Variants in DNAH2 observed in about 807,000 individuals in gnomAD.
The protein encoded by DNAH2 is axonemal beta dynein heavy chain 2.
DNAH2 carries 323 observed loss-of-function variants against 523.5 expected under a neutral mutation model. The observed-to-expected ratio is 0.62, with a 90% confidence interval of 0.56 to 0.68. DNAH2 has a LOEUF of 0.68. DNAH2 is among the 30% of genes least tolerant of loss of function. The pLI is 0.00. For synonymous variants in DNAH2, 2,093 were observed against 2,177.4 expected (o/e 0.96, Z 1.08); for missense variants, 4,907 against 5,701.5 (o/e 0.86, Z 4.49).
chr17:7,815,298 G>A (rs960830588), intron 63 of DNAH2, among the ~76,000 whole-genome samples: 14 of 152,370 alleles, frequency 9.2e-5, no homozygotes, highest in African/African-American at 3.4e-4. Context: ...AGTTAAGGCA[G>A]AGCTACTTCT....
In DNAH2 at chr17:7,831,850, T is replaced by C; in HGVS notation, c.12726+75T>C. 7.2e-7 allele frequency: 1 copy of C among 1,392,444 alleles called. No individual in the cohort carries two copies. The highest frequency in any genetic ancestry group is 9.9e-7 in the Non-Finnish European group (1 of 1,009,630). 86.3% of individuals were successfully genotyped at this position (1,392,444 alleles called of 1,614,324 possible). ...AATCCTGGGCCCCCCAATCTCCTGG[T>C]TCTAGGTGGGCATAAAGCAAACTGC... On this transcript the variant is annotated intron_variant, in intron 82 of 85. Coordinates refer to ENST00000572933, the MANE Select transcript of DNAH2 (RefSeq NM_020877.5). The surrounding 1 kb of genome is among the most constrained non-coding windows in gnomAD (Gnocchi z 4.2).
intron 79 of DNAH2, 87 bp downstream of exon 79, chr17:7,830,929 G>C (rs1372573359): frequency 6.4e-7 from 1 of 1,562,658 alleles, no homozygotes; most frequent in East Asian, 2.2e-5. Flanking sequence ...TGTTTGAGGA[G>C]AGGACGTGAG....
intron 39 of DNAH2, among the ~76,000 whole-genome samples, chr17:7,782,646 G>C (rs1178811287): frequency 6.6e-6 from 1 of 152,158 alleles, no homozygotes; most frequent in Non-Finnish European, 1.5e-5. Context: ...AGTGGAATCA[G>C]ATCCATGAAA....
At position 7,797,428 on chromosome 17, in the gene DNAH2, G is replaced by A. The variant is rs2077097014; in HGVS notation, c.7978G>A (p.Ala2660Thr). ...RVFSDRLVDA[A>T]DTEAFMGIIS... ...CTTCTCTGACCGGCTGGTTGATGCG[G>A]CAGACACAGAAGCCTTCATGGGCAT... The change falls in exon 52 of 86, where the codon GCA becomes ACA. Residue 2660 changes from alanine to threonine, a missense_variant. This residue lies in a region of DNAH2 where 250 missense variants were observed against 371.3 expected (regional missense o/e 0.67). Transcript: ENST00000572933. The A allele has an allele frequency of 1.2e-6, 2 of 1,614,012 alleles. No individual in the cohort carries two copies. Among genetic ancestry groups the A allele is most frequent in the Admixed American group, 3.3e-5 (2 of 60,000 alleles).
Position 7,786,318 on chromosome 17 carries a change from A to G in DNAH2, c.6324A>G (p.Gly2108=), listed in dbSNP as rs1173689432. The G allele has an allele frequency of 1.3e-5, 21 of 1,613,086 alleles. No homozygotes were observed. The highest frequency in any genetic ancestry group is 1.8e-5 in the Non-Finnish European group (21 of 1,179,986). Residue 2108 remains glycine, a synonymous_variant, in exon 40 of 86, where the codon GGA becomes GGG. Coordinates refer to ENST00000572933, the MANE Select transcript of DNAH2 (RefSeq NM_020877.5). This position sits in a 1 kb window ranked among gnomAD's most constrained non-coding sequence, Gnocchi z 7.5. ...CCCTGTCCTCTCTGTGCCGCGCCGG[A>G]GACCCTAACTTCAACATTGTTAGAG... ...QASLSSLCRA[G]DPNFNIVREF... is the part of the protein sequence containing the mutation.
chr17:7,787,386 C>G (rs1387587748), intron 42 of DNAH2: 1 of 350,772 alleles, frequency 2.9e-6, no homozygotes, highest in Non-Finnish European at 5.2e-6. Flanking sequence ...TCCAACAATG[C>G]GAGCAAGAGA....
At chr17:7,723,191 T>C (rs1206989039) in intron 2 of DNAH2, among the ~76,000 whole-genome samples, 26 of 150,744 alleles carry the variant, frequency 1.7e-4, no homozygotes, top group South Asian at 4.2e-4. Context: ...AGGATGGTCT[T>C]GATCTCCTGA....
intron 12 of DNAH2, 118 bp downstream of exon 12, chr17:7,743,260 T>C: frequency 8.9e-7 from 1 of 1,122,510 alleles, no homozygotes; most frequent in Non-Finnish European, 1.3e-6. Flanking sequence ...ATACAATATG[T>C]TTGCTATCGT....
rs753657945 is a variant in DNAH2 at position 7,754,669 on chromosome 17, G to A, written c.1905-2422G>A. The A allele has an allele frequency of 2.3e-6, 3 of 1,330,058 alleles. No homozygotes were observed. Among genetic ancestry groups the A allele is most frequent in the South Asian group, 2.4e-5 (2 of 84,532 alleles). The allele number at this position is 1,330,058 out of a possible 1,614,324, so 82.4% of individuals were successfully genotyped here. A position where few individuals can be genotyped will look rare whatever the true frequency, so the allele number is the denominator to read the frequency against. On this transcript the variant is annotated intron_variant, in intron 12 of 85. Coordinates refer to ENST00000572933, the MANE Select transcript of DNAH2 (RefSeq NM_020877.5). The surrounding 1 kb of genome is among the most constrained non-coding windows in gnomAD (Gnocchi z 4.6). ...AAGGGTGTCAGCCATAAACTTGATC[G>A]ACTTGCCTACATTGCCCACCCCAAC... is the stretch of plus-strand genomic sequence containing the variant.
In DNAH2 at chr17:7,818,468, C is replaced by T. The variant is rs776144059; in HGVS notation, c.10536+8C>T. On this transcript the variant is annotated splice_region_variant and intron_variant, in intron 69 of 85. Transcript: ENST00000572933. ...TTTGCTGTTAAAGAACAGGTGGGTA[C>T]AGGCTGAGGTCCAGACTGAGCTAGG... is the stretch of plus-strand genomic sequence containing the variant. 5.3e-5 allele frequency: 86 copies of T among 1,613,850 alleles called. No individual in the cohort carries two copies. The highest frequency in any genetic ancestry group is 7.0e-5 in the Non-Finnish European group (83 of 1,179,940).
chr17:7,792,548 C>T, intron 46 of DNAH2, 109 bp from the exon 47 acceptor site: 1 of 1,065,696 alleles, frequency 9.4e-7, no homozygotes, highest in Non-Finnish European at 1.4e-6. Flanking sequence ...CCAGGCCCCA[C>T]AGGAGGGCAG....
At position 7,817,645 on chromosome 17, in the gene DNAH2, A is replaced by G. The variant is rs2077712355; in HGVS notation, c.10105A>G (p.Ile3369Val). 2 of 1,614,156 alleles carry G rather than the reference A, an allele frequency of 1.2e-6. No homozygotes were observed. Among genetic ancestry groups the G allele is most frequent in the African/African-American group, 2.7e-5 (2 of 75,032 alleles). ...TCCTACCAAAGTCCGGGACTGGAACATCCAAGGGTTGCCCTCAGACGCCTT... is the reference window on the plus strand; with the variant it reads ...TCCTACCAAAGTCCGGGACTGGAACGTCCAAGGGTTGCCCTCAGACGCCTT... ...CNPTKVRDWN[I>V]QGLPSDAFST... is the part of the protein sequence containing the mutation. Residue 3369 changes from isoleucine (I) to valine (V), a missense_variant, in exon 66 of 86, where the codon ATC becomes GTC. Around this residue, in one of 3 missense-constraint regions of DNAH2, gnomAD observed 1,851 missense variants for 2,139.4 expected, o/e 0.87. Coordinates refer to ENST00000572933, the MANE Select transcript of DNAH2 (RefSeq NM_020877.5).
rs922340411 is a variant in DNAH2 at position 7,776,204 on chromosome 17, G to T, written c.4947+55G>T. ...CAAGGGGCTGGGCACGGTGGCTCACGCCTGTAATCCCAGCACTTTGGGAGG... is the reference window on the plus strand; with the variant it reads ...CAAGGGGCTGGGCACGGTGGCTCACTCCTGTAATCCCAGCACTTTGGGAGG... On this transcript the variant is annotated intron_variant, in intron 31 of 85. Coordinates refer to ENST00000572933, the MANE Select transcript of DNAH2 (RefSeq NM_020877.5). 2.5e-6 allele frequency: 4 copies of T among 1,585,642 alleles called. No individual in the cohort carries two copies. In the African/African-American group the frequency reaches 4.0e-5, roughly 16 times the overall value.
rs139792492 is a variant in DNAH2 at position 7,818,338 on chromosome 17, G to A, written c.10414G>A (p.Asp3472Asn). ...IGGRLLMRIG[D>N]KEVEYNTNFR... ...TGGTCGGCTGTTGATGCGCATTGGC[G>A]ATAAGGAGGTGGAATATAATACCAA... The change falls in exon 69 of 86, where the codon GAT (aspartate) becomes AAT (asparagine). Residue 3472 changes from aspartate to asparagine, a missense_variant. Asp to Asn is a conservative substitution (Grantham distance 23). This residue lies in a region of DNAH2 where 1,851 missense variants were observed against 2,139.4 expected (regional missense o/e 0.87). Coordinates refer to ENST00000572933, the MANE Select transcript of DNAH2 (RefSeq NM_020877.5). The A allele has an allele frequency of 3.0e-5, 48 of 1,614,034 alleles. No homozygotes were observed. The East Asian group carries it at 3.6e-4, about 12-fold the overall frequency.
intron 44 of DNAH2, among the ~76,000 whole-genome samples, chr17:7,789,777 CT>C (rs1229900751): frequency 5.3e-5 from 8 of 152,010 alleles, no homozygotes; most frequent in African/African-American, 1.9e-4. Flanking sequence ...GGGGTTTCAC[CT>C]TGTTGGTCAA....
intron 48 of DNAH2, 50 bp downstream of exon 48, chr17:7,793,255 G>A (rs1418840452): frequency 1.9e-6 from 3 of 1,577,464 alleles, no homozygotes; most frequent in Non-Finnish European, 2.6e-6. Flanking sequence ...TTCTGGGATA[G>A]GCTCAGTCCC....
intron 58 of DNAH2, 100 bp from the exon 59 acceptor site, chr17:7,804,156 G>GC (rs2077298110): frequency 8.0e-7 from 1 of 1,257,406 alleles, no homozygotes; most frequent in East Asian, 2.5e-5. Flanking sequence ...GCAACAGAAA[G>GC]GAAGGCGGAC....
At position 7,796,611 on chromosome 17, in the gene DNAH2, A is replaced by G; in HGVS notation, c.7822A>G (p.Thr2608Ala). 6.2e-7 allele frequency: 1 copy of G among 1,613,038 alleles called. No individual in the cohort carries two copies. Among genetic ancestry groups the G allele is most frequent in the Non-Finnish European group, 8.5e-7 (1 of 1,179,832 alleles). ...GGTACAGCGCTTCCTGCCCACGCCC[A>G]CCAAGATGCATTACCTCTTCAACCT... ...TVVQRFLPTPTKMHYLFNLRD... is the reference protein window; with the variant it reads ...TVVQRFLPTPAKMHYLFNLRD... The change falls in exon 50 of 86, where the codon ACC (threonine) becomes GCC (alanine). Residue 2608 changes from threonine (T) to alanine (A), a missense_variant. Thr to Ala is a moderately conservative substitution (Grantham distance 58). Coordinates refer to ENST00000572933, the MANE Select transcript of DNAH2 (RefSeq NM_020877.5).
Position 7,759,484 on chromosome 17 carries a change from C to T in DNAH2, c.2511C>T (p.Arg837=), listed in dbSNP as rs751059766. The change falls in exon 16 of 86, where the codon CGC becomes CGT. Residue 837 remains arginine, a synonymous_variant. Coordinates refer to ENST00000572933, the MANE Select transcript of DNAH2 (RefSeq NM_020877.5). ...ACCGCATGATGGAGGATGCCCTGCG[C>T]CTGAATGTGAAGTGGTCACTGCTAG... ...RLDRMMEDAL[R]LNVKWSLLEL... 4.3e-6 allele frequency: 7 copies of T among 1,614,154 alleles called. No individual in the cohort carries two copies. In the Admixed American group the frequency reaches 1.0e-4, roughly 23 times the overall value.
Sources: allele counts gnomAD v4.1 joint callset (sites outside exome capture counted in the v4.1 genomes callset), GRCh38; gene constraint gnomAD v4.1.1; regional missense constraint gnomAD v4.1.1; non-coding constraint Gnocchi (gnomAD v3.1); transcripts MANE v1.5; gene names NCBI Gene and HGNC (gene_info 2026-07-23, HGNC 2026-07-21).